SHC4: variants seen among roughly 807,000 people sequenced by gnomAD.
SHC4 encodes the protein SHC-transforming protein 4.
A neutral mutation model predicts 69.4 loss-of-function variants in SHC4; 41 were observed. The ratio of observed to expected loss-of-function variants is 0.59; its 90% CI spans 0.46 to 0.77. The LOEUF is 0.77. Ranked by LOEUF, SHC4 falls within the 30% of genes least tolerant of loss-of-function variation. The pLI is 0.00. For synonymous variants in SHC4, 318 were observed against 299.3 expected, an observed-to-expected ratio of 1.06 and a Z score of -0.64; for missense variants, 777 against 783.8, an observed-to-expected ratio of 0.99 and a Z score of 0.10.
chr15:48,866,184 T>C (rs980713851), intron 6 of SHC4, among the ~76,000 whole-genome samples: 8 of 152,212 alleles, frequency 5.3e-5, no homozygotes, highest in African/African-American at 1.9e-4. Context: ...TTAGGGACGT[T>C]CAGGCAGGGA....
At chr15:48,918,160 G>A (rs537735142) in intron 2 of SHC4, among the ~76,000 whole-genome samples, 1 of 152,116 alleles carries the variant, frequency 6.6e-6, no homozygotes, top group Admixed American at 6.5e-5. Context: ...TCCTAACTTG[G>A]CCCATGGAAA....
intron 2 of SHC4, among the ~76,000 whole-genome samples, chr15:48,903,388 A>C (rs980397043): frequency 1.3e-5 from 2 of 152,218 alleles, no homozygotes; most frequent in African/African-American, 4.8e-5. Context: ...CACTCTTCCC[A>C]AAAGGAATTA....
At chr15:48,942,998 T>G (rs1402020597) in intron 1 of SHC4, among the ~76,000 whole-genome samples, 4 of 152,194 alleles carry the variant, frequency 2.6e-5, no homozygotes, top group Non-Finnish European at 5.9e-5. Context: ...TCACTTCCTT[T>G]AACATTCTTC....
At position 48,851,230 on chromosome 15, in the gene SHC4, T is replaced by G; in HGVS notation, c.1261A>C (p.Ser421Arg). 1.9e-6 allele frequency: 3 copies of G among 1,614,146 alleles called. No individual in the cohort carries two copies. The highest frequency in any genetic ancestry group is 1.7e-6 in the Non-Finnish European group (2 of 1,179,992). ...TCTAAACAGTTCTCATATACACTGC[T>G]GCACTTGGAGTTTCCAGGCTGCATG... is the stretch of plus-strand genomic sequence containing the variant. ...LCYLPGNSKC[S>R]SVYENCLEQS... The change falls in exon 9 of 12, where the codon AGC (serine) becomes CGC (arginine). Residue 421 changes from serine (S) to arginine (R), a missense_variant. Ser to Arg is a moderately radical substitution (Grantham distance 110). Coordinates refer to ENST00000332408, the MANE Select transcript of SHC4 (RefSeq NM_203349.4).
At chr15:48,955,481 A>G (rs1161832152) in intron 1 of SHC4, among the ~76,000 whole-genome samples, 1 of 152,130 alleles carries the variant, frequency 6.6e-6, no homozygotes, top group Non-Finnish European at 1.5e-5. Flanking sequence ...AGAGGAAACC[A>G]TATTGGGGAA....
intron 1 of SHC4, among the ~76,000 whole-genome samples, chr15:48,941,769 G>A (rs952217077): frequency 1.3e-5 from 2 of 152,234 alleles, no homozygotes; most frequent in East Asian, 1.9e-4. Flanking sequence ...GTTAATTTAA[G>A]GGGTACAAGT....
At chr15:48,844,949 T>G (rs1170969548) in intron 9 of SHC4, among the ~76,000 whole-genome samples, 2 of 152,232 alleles carry the variant, frequency 1.3e-5, no homozygotes, top group Non-Finnish European at 2.9e-5. Flanking sequence ...TATGTCTTTA[T>G]TAGCAGCATG....
chr15:48,846,003 G>GA (rs1555432164), intron 9 of SHC4, among the ~76,000 whole-genome samples: 1 of 144,836 alleles, frequency 6.9e-6, no homozygotes, highest in African/African-American at 2.5e-5. Context: ...GCTTAAGTCA[G>GA]TTTTTTTTTT....
At position 48,924,901 on chromosome 15, in the gene SHC4, C is replaced by CA; in HGVS notation, c.633dup (p.Gly212TrpfsTer16). 6.2e-7 allele frequency: 1 copy of CA among 1,614,038 alleles called. No individual in the cohort carries two copies. Among genetic ancestry groups the CA allele is most frequent in the African/African-American group, 1.3e-5 (1 of 74,986 alleles). ...TACCTTGTAACTTGGGTTCTCATTCCAAAATCCAGTGATCTCATTGATTGC... is the reference window on the plus strand; with the variant it reads ...TACCTTGTAACTTGGGTTCTCATTCCAAAAATCCAGTGATCTCATTGATTGC... On this transcript the variant is annotated frameshift_variant, in exon 2 of 12. Transcript: ENST00000332408. LOFTEE classifies it high-confidence loss of function.
chr15:48,878,874 C>A, intron 4 of SHC4: 3 of 711,910 alleles, frequency 4.2e-6, no homozygotes, highest in South Asian at 2.0e-5. Flanking sequence ...CAGAATAGAA[C>A]ACAATAGGAC....
intron 1 of SHC4, among the ~76,000 whole-genome samples, chr15:48,956,970 C>CTTTTTTTTTTTTTTTTTTTTTTTTT (rs1234585427): frequency 4.3e-5 from 3 of 70,168 alleles, no homozygotes; most frequent in Admixed American, 2.2e-4. Context: ...TTCTTTCTTT[C>CTTTTTTTTTTTTTTTTTTTTTTTTT]TTTCTTTTTT....
chr15:48,961,968 A>C (rs1273367927), intron 1 of SHC4, among the ~76,000 whole-genome samples: 2 of 152,236 alleles, frequency 1.3e-5, no homozygotes, highest in East Asian at 3.8e-4. Context: ...ATTTTTAAAG[A>C]ATAATTCAAG....
intron 1 of SHC4, among the ~76,000 whole-genome samples, chr15:48,956,335 T>C (rs1901453533): frequency 1.3e-5 from 2 of 152,206 alleles, no homozygotes; most frequent in Admixed American, 6.5e-5. Context: ...CATGGGACTG[T>C]CTCTCCAGGA....
chr15:48,828,843 C>A (rs565104919), intron 11 of SHC4, among the ~76,000 whole-genome samples: 1 of 152,182 alleles, frequency 6.6e-6, no homozygotes, highest in East Asian at 1.9e-4. Context: ...AAGTCCTTTG[C>A]CTATGTTTTC....
At chr15:48,871,049 C>T (rs1440840774) in intron 5 of SHC4, among the ~76,000 whole-genome samples, 2 of 152,222 alleles carry the variant, frequency 1.3e-5, no homozygotes, top group Admixed American at 1.3e-4. Flanking sequence ...ATTGTCCTAT[C>T]ATTTATGACT....
intron 2 of SHC4, among the ~76,000 whole-genome samples, chr15:48,915,209 A>C (rs1023722180): frequency 2.0e-5 from 3 of 152,242 alleles, no homozygotes; most frequent in Admixed American, 2.0e-4. Context: ...TATTCAAACA[A>C]ATAGTAACTA....
chr15:48,958,924 G>C (rs1438143030), intron 1 of SHC4, among the ~76,000 whole-genome samples: 1 of 152,194 alleles, frequency 6.6e-6, no homozygotes, highest in Non-Finnish European at 1.5e-5. Context: ...AGAATGGTTT[G>C]CTAGGCCCCC....
At chr15:48,914,017 C>T (rs1900566536) in intron 2 of SHC4, among the ~76,000 whole-genome samples, 1 of 152,158 alleles carries the variant, frequency 6.6e-6, no homozygotes, top group African/African-American at 2.4e-5. Context: ...CTCGGGATTG[C>T]TGGTTTTCAA....
At chr15:48,910,933 T>G (rs1298638164) in intron 2 of SHC4, among the ~76,000 whole-genome samples, 1 of 152,228 alleles carries the variant, frequency 6.6e-6, no homozygotes. Flanking sequence ...GAGAGAGTGC[T>G]TGATATAATT....
Sources: allele counts gnomAD v4.1 joint callset (sites outside exome capture counted in the v4.1 genomes callset), GRCh38; gene constraint gnomAD v4.1.1; transcripts MANE v1.5; gene names NCBI Gene and HGNC (gene_info 2026-07-23, HGNC 2026-07-21).